Variants in PIWIL2 observed in about 807,000 individuals in gnomAD.
The protein encoded by PIWIL2 is piwi like RNA-mediated gene silencing 2.
A neutral mutation model predicts 116.5 loss-of-function variants in PIWIL2; 81 were observed. That is an observed-to-expected ratio of 0.70 (90% CI 0.58 to 0.84). The LOEUF (loss-of-function observed/expected upper bound fraction) is 0.84, where lower values mean the gene tolerates loss of function less well. Ranked by LOEUF, PIWIL2 falls within the 40% of genes least tolerant of loss-of-function variation. PIWIL2 has a pLI of 0.00. For synonymous variants in PIWIL2, 489 were observed against 429.5 expected, an observed-to-expected ratio of 1.14 and a Z score of -1.71; for missense variants, 1,272 against 1,212.3, an observed-to-expected ratio of 1.05 and a Z score of -0.73.
At chr8:22,279,240 G>A in intron 1 of PIWIL2, 101 bp from the exon 2 acceptor site, 3 of 652,750 alleles carry the variant, frequency 4.6e-6, no homozygotes, top group South Asian at 3.6e-5. Context: ...GGCTAGGCGT[G>A]TTACTGGACT....
intron 10 of PIWIL2, among the ~76,000 whole-genome samples, chr8:22,302,586 TATC>T (rs1053805412): frequency 2.0e-5 from 3 of 152,050 alleles, no homozygotes; most frequent in African/African-American, 7.2e-5. Flanking sequence ...TTTTCCTTAT[TATC>T]ATTTTTTAAC....
intron 20 of PIWIL2, among the ~76,000 whole-genome samples, chr8:22,348,302 AAAT>A (rs1832275380): frequency 1.3e-5 from 2 of 152,110 alleles, no homozygotes; most frequent in Admixed American, 1.3e-4. Context: ...TCCATCTCAA[AAAT>A]AATAATGTTT....
chr8:22,323,381 C>T (rs529802552), intron 20 of PIWIL2, among the ~76,000 whole-genome samples: 1 of 152,012 alleles, frequency 6.6e-6, no homozygotes, highest in South Asian at 2.1e-4. Context: ...CTCCTGACCT[C>T]GTGATCCGCC....
chr8:22,342,033 G>A (rs544955440), intron 20 of PIWIL2, among the ~76,000 whole-genome samples: 4 of 149,996 alleles, frequency 2.7e-5, no homozygotes, highest in African/African-American at 7.3e-5. Flanking sequence ...GTGAACAATC[G>A]GAATTTGAAA....
intron 20 of PIWIL2, among the ~76,000 whole-genome samples, chr8:22,326,579 G>A (rs551307641): frequency 5.9e-5 from 9 of 152,198 alleles, no homozygotes; most frequent in African/African-American, 2.2e-4. Flanking sequence ...TGCCTATATT[G>A]TAGAGTAATT....
chr8:22,312,275 A>G (rs1426418668), intron 16 of PIWIL2, among the ~76,000 whole-genome samples: 2 of 152,136 alleles, frequency 1.3e-5, no homozygotes, highest in African/African-American at 2.4e-5. Flanking sequence ...CAAAAAAAAA[A>G]AAAAAAATGA....
At chr8:22,307,077 G>A (rs1256951402) in intron 13 of PIWIL2, among the ~76,000 whole-genome samples, 1 of 152,220 alleles carries the variant, frequency 6.6e-6, no homozygotes, top group African/African-American at 2.4e-5. Flanking sequence ...CAAATGACTA[G>A]TATGCTATGG....
Position 22,290,312 on chromosome 8 carries a change from A to G in PIWIL2, c.1147A>G (p.Lys383Glu), listed in dbSNP as rs1443889551. The G allele has an allele frequency of 6.2e-7, 1 of 1,610,644 alleles. No individual in the cohort carries two copies. Among genetic ancestry groups the G allele is most frequent in the Non-Finnish European group, 8.5e-7 (1 of 1,177,130 alleles). Residue 383 changes from lysine to glutamate, a missense_variant, in exon 10 of 23, where the codon AAG (lysine) becomes GAG (glutamate). Lys to Glu is a moderately conservative substitution (Grantham distance 56). Transcript: ENST00000356766. ...CTTCCTGCTAGCTGATGTCTCCCATAAGGTCATTCGGAATGACTGTGTGCT... is the reference window on the plus strand; with the variant it reads ...CTTCCTGCTAGCTGATGTCTCCCATGAGGTCATTCGGAATGACTGTGTGCT... ...GLFLLADVSH[K>E]VIRNDCVLDV...
At chr8:22,350,353 T>C (rs1832326450) in intron 20 of PIWIL2, among the ~76,000 whole-genome samples, 1 of 152,128 alleles carries the variant, frequency 6.6e-6, no homozygotes, top group South Asian at 2.1e-4. Context: ...CTCAGCACTT[T>C]GGGAGGCCAA....
chr8:22,305,861 CCTGTATGGTCG>C (rs1831163513), intron 12 of PIWIL2, 55 bp from the exon 13 acceptor site: 2 of 1,128,026 alleles, frequency 1.8e-6, no homozygotes, highest in African/African-American at 1.5e-5. Flanking sequence ...CATGACATGT[CCTGTATGGTCG>C]GGAACATGAG....
chr8:22,311,423 C>G (rs1238744225), intron 16 of PIWIL2, 123 bp downstream of exon 16: 3 of 749,528 alleles, frequency 4.0e-6, no homozygotes, highest in South Asian at 2.0e-5. Flanking sequence ...CTTACCCATG[C>G]GCACATGAAA....
Position 22,304,722 on chromosome 8 carries a change from A to G in PIWIL2, c.1371-62A>G, listed in dbSNP as rs1324382246. On this transcript the variant is annotated intron_variant, in intron 11 of 22. Transcript: ENST00000356766. Reference sequence around the variant, plus strand: ...CAGTCCTGGTTAAGAGACTCAGACTATGGTGCTCTAAGAGTATTGATGCTG... The same window carrying G: ...CAGTCCTGGTTAAGAGACTCAGACTGTGGTGCTCTAAGAGTATTGATGCTG... 2.6e-5 allele frequency: 24 copies of G among 917,334 alleles called. No individual in the cohort carries two copies. In the Middle Eastern group the frequency reaches 8.5e-4, roughly 33 times the overall value. The allele number at this position is 917,334 out of a possible 1,614,324, so 56.8% of individuals were successfully genotyped here. A position where few individuals can be genotyped will look rare whatever the true frequency, so the allele number is the denominator to read the frequency against.
At chr8:22,307,480 T>A (rs867749117) in intron 13 of PIWIL2, among the ~76,000 whole-genome samples, 51,961 of 133,808 alleles carry the variant, frequency 0.39, 12,304 homozygotes, top group East Asian at 0.79. Context: ...TTCATTTTTT[T>A]TTTTTTTTTT....
intron 14 of PIWIL2, 31 bp from the exon 15 acceptor site, chr8:22,309,930 T>C: frequency 7.6e-7 from 1 of 1,312,686 alleles, no homozygotes; most frequent in Non-Finnish European, 1.1e-6. Context: ...TTGAAAAGGC[T>C]CATGTCATAG....
chr8:22,297,555 T>A (rs1000197570), intron 10 of PIWIL2, among the ~76,000 whole-genome samples: 9 of 152,220 alleles, frequency 5.9e-5, no homozygotes, highest in African/African-American at 1.7e-4. Flanking sequence ...TAAAAAAAAA[T>A]TCATGGCACT....
intron 7 of PIWIL2, among the ~76,000 whole-genome samples, chr8:22,288,322 C>A (rs928936082): frequency 4.3e-5 from 6 of 139,230 alleles, no homozygotes; most frequent in Non-Finnish European, 9.4e-5. Context: ...AAAAAAATTG[C>A]AAATGTAAAC....
At position 22,300,110 on chromosome 8, in the gene PIWIL2, T is replaced by A. The variant is rs192319127; in HGVS notation, c.1182-3911T>A. ...CCCAGCTATATAAAAACATTTTTTT[T>A]AATAGAGATGGGACCTCACTATGTT... On this transcript the variant is annotated intron_variant, in intron 10 of 22. Transcript: ENST00000356766. Among the ~76,000 whole-genome samples, 501 of 152,100 alleles carry A rather than the reference T, an allele frequency of 3.3e-3. 1 individual carries two copies. The highest frequency in any genetic ancestry group is 0.011 in the African/African-American group (439 of 41,488).
intron 5 of PIWIL2, 114 bp from the exon 6 acceptor site, chr8:22,284,048 A>G (rs1038612936): frequency 1.7e-6 from 1 of 572,888 alleles, no homozygotes; most frequent in Non-Finnish European, 3.0e-6. Flanking sequence ...CTGTAGCAAA[A>G]TGTGAAAAAA....
intron 1 of PIWIL2, among the ~76,000 whole-genome samples, 162 bp from the exon 2 acceptor site, chr8:22,279,179 T>G (rs913670917): frequency 1.3e-5 from 2 of 152,110 alleles, no homozygotes; most frequent in African/African-American, 4.8e-5. Flanking sequence ...TGAAGGATGT[T>G]TAGAATATTA....
Sources: allele counts gnomAD v4.1 joint callset (sites outside exome capture counted in the v4.1 genomes callset), GRCh38; gene constraint gnomAD v4.1.1; transcripts MANE v1.5; gene names NCBI Gene and HGNC (gene_info 2026-07-23, HGNC 2026-07-21).